NTNG1: variants seen among roughly 807,000 people sequenced by gnomAD.
The protein encoded by NTNG1 is netrin-G1.
Under a neutral mutation model 54.0 loss-of-function variants are expected in NTNG1, and 16 were observed. That is an observed-to-expected ratio of 0.30 (90% confidence interval 0.20 to 0.45). The LOEUF (loss-of-function observed/expected upper bound fraction) is 0.45. Ranked by LOEUF, NTNG1 falls within the 20% of genes least tolerant of loss-of-function variation. NTNG1 has a pLI of 1.00. For missense variants in NTNG1, 530 were observed against 678.7 expected, an observed-to-expected ratio of 0.78 and a Z score of 2.43; for synonymous variants, 255 against 263.1, an observed-to-expected ratio of 0.97 and a Z score of 0.30.
intron 7 of NTNG1, 33 bp from the exon 8 acceptor site, chr1:107,480,578 C>CCCCCCCCCCCCCCCAA: frequency 1.7e-6 from 1 of 577,312 alleles, no homozygotes; most frequent in Non-Finnish European, 3.2e-6. Flanking sequence ...CTCCCCGCGC[C>CCCCCCCCCCCCCCCAA]CACCCACCCC....
intron 2 of NTNG1, among the ~76,000 whole-genome samples, chr1:107,209,101 T>C (rs1357817518): frequency 6.6e-6 from 1 of 152,004 alleles, no homozygotes; most frequent in African/African-American, 2.4e-5. Flanking sequence ...GCCTTTTTTT[T>C]CTGAGCTGCA....
Position 107,482,340 on chromosome 1 carries a change from A to C in NTNG1, c.*1500A>C, listed in dbSNP as rs1031223498. 1.3e-5 allele frequency: 2 copies of C among 152,236 alleles called. No individual in the cohort carries two copies. Among genetic ancestry groups the C allele is most frequent in the Admixed American group, 6.5e-5 (1 of 15,284 alleles). The allele number at this position is 152,236 out of a possible 1,614,324, so 9.4% of individuals were successfully genotyped here. A position where few individuals can be genotyped will look rare whatever the true frequency, so the allele number is the denominator to read the frequency against. On this transcript the variant is annotated 3_prime_UTR_variant, in exon 8 of 8. Coordinates refer to ENST00000370068, the MANE Select transcript of NTNG1 (RefSeq NM_001113226.3). The stretch of plus-strand genomic sequence containing the variant: ...GACTTAAGTATTTAGAGGAAATATC[A>C]AAATATAAAGCAGCAAGTAGACATA...
At chr1:107,457,552 A>G (rs572322619) in intron 7 of NTNG1, among the ~76,000 whole-genome samples, 1 of 152,344 alleles carries the variant, frequency 6.6e-6, no homozygotes, top group South Asian at 2.1e-4. Context: ...ATATTCATGT[A>G]ATGCTCTAAG....
intron 2 of NTNG1, among the ~76,000 whole-genome samples, chr1:107,171,260 C>CA (rs1311664084): frequency 6.6e-6 from 1 of 151,962 alleles, no homozygotes; most frequent in African/African-American, 2.4e-5. Flanking sequence ...TTTTCACCCC[C>CA]AAAAAAGTTT....
rs1355948963 is a variant in NTNG1, at chr1:107,284,206, TA to T, written c.247-40073del. On this transcript the variant is annotated intron_variant, in intron 2 of 7. Coordinates refer to ENST00000370068, the MANE Select transcript of NTNG1 (RefSeq NM_001113226.3). ...TAATACTCAATACCTAGTCACTGAA[TA>T]AATTATTGATTGTTACAGAAGAGCA... is the stretch of plus-strand genomic sequence containing the variant. Among the ~76,000 whole-genome samples the T allele has an allele frequency of 3.3e-5, 5 of 152,250 alleles. No individual in the cohort carries two copies. In the East Asian group the frequency reaches 7.7e-4, roughly 24 times the overall value.
intron 2 of NTNG1, among the ~76,000 whole-genome samples, chr1:107,316,976 C>G (rs1373480385): frequency 6.6e-6 from 1 of 152,196 alleles, no homozygotes; most frequent in African/African-American, 2.4e-5. Context: ...AAGGTCCTGC[C>G]TGCCTCTCAA....
chr1:107,342,526 G>A (rs1213099843), intron 3 of NTNG1, among the ~76,000 whole-genome samples: 3 of 152,098 alleles, frequency 2.0e-5, no homozygotes, highest in African/African-American at 4.8e-5. Flanking sequence ...ATTGCAATAT[G>A]TTAAATGCAA....
chr1:107,431,515 C>A (rs146446550), intron 6 of NTNG1, among the ~76,000 whole-genome samples: 519 of 152,212 alleles, frequency 3.4e-3, no homozygotes, highest in African/African-American at 0.012. Flanking sequence ...CAAAAGTATT[C>A]TAGGCAACTA....
At chr1:107,461,185 G>A (rs889245126) in intron 7 of NTNG1, among the ~76,000 whole-genome samples, 1 of 152,196 alleles carries the variant, frequency 6.6e-6, no homozygotes, top group Non-Finnish European at 1.5e-5. Flanking sequence ...TACACTGGTG[G>A]GAGGCACATG....
intron 2 of NTNG1, among the ~76,000 whole-genome samples, chr1:107,291,016 T>G (rs2101763832): frequency 6.8e-6 from 1 of 147,488 alleles, no homozygotes; most frequent in South Asian, 2.1e-4. Context: ...CGCATATATA[T>G]GCATAGATAA....
chr1:107,286,672 C>G (rs1009181591), intron 2 of NTNG1, among the ~76,000 whole-genome samples: 1 of 152,132 alleles, frequency 6.6e-6, no homozygotes, highest in African/African-American at 2.4e-5. Flanking sequence ...TTTTGCAATT[C>G]ACAAAGTCAC....
chr1:107,322,673 T>G (rs1204687434), intron 2 of NTNG1, among the ~76,000 whole-genome samples: 2 of 152,018 alleles, frequency 1.3e-5, no homozygotes, highest in Non-Finnish European at 2.9e-5. Context: ...CTCCCCTGGC[T>G]CATTTTGAAG....
intron 2 of NTNG1, among the ~76,000 whole-genome samples, chr1:107,276,978 A>G (rs950493788): frequency 2.0e-5 from 3 of 152,292 alleles, no homozygotes; most frequent in African/African-American, 7.2e-5. Context: ...TGAGGAAAAA[A>G]GAAGAGGAAG....
At chr1:107,371,698 G>A (rs906642852) in intron 3 of NTNG1, among the ~76,000 whole-genome samples, 2 of 151,894 alleles carry the variant, frequency 1.3e-5, no homozygotes, top group Admixed American at 6.6e-5. Context: ...AAATACCAAT[G>A]CTACACAAAC....
At chr1:107,394,068 C>G (rs1331732378) in intron 3 of NTNG1, among the ~76,000 whole-genome samples, 3 of 151,942 alleles carry the variant, frequency 2.0e-5, no homozygotes, top group African/African-American at 7.2e-5. Flanking sequence ...ATCTCTCTCT[C>G]TCTCTGGTTC....
At position 107,407,674 on chromosome 1, in the gene NTNG1, T is replaced by C; in HGVS notation, c.1061-8T>C. On this transcript the variant is annotated splice_region_variant and splice_polypyrimidine_tract_variant and intron_variant, in intron 4 of 7. Coordinates refer to ENST00000370068, the MANE Select transcript of NTNG1 (RefSeq NM_001113226.3). ...ACAGCTTTTCTTTATTGTTTTCTTTTTCTCCAGGTATCCCCAGTATTTCCA... is the reference window on the plus strand; with the variant it reads ...ACAGCTTTTCTTTATTGTTTTCTTTCTCTCCAGGTATCCCCAGTATTTCCA... 1.9e-6 allele frequency: 3 copies of C among 1,598,198 alleles called. No homozygotes were observed. Among genetic ancestry groups the C allele is most frequent in the Non-Finnish European group, 2.6e-6 (3 of 1,172,174 alleles).
chr1:107,446,733 A>G (rs1676329642), intron 7 of NTNG1, among the ~76,000 whole-genome samples: 1 of 152,078 alleles, frequency 6.6e-6, no homozygotes, highest in Non-Finnish European at 1.5e-5. Context: ...TAAAATGCAT[A>G]TATGTTTTTC....
intron 2 of NTNG1, among the ~76,000 whole-genome samples, chr1:107,276,787 G>A (rs1012646836): frequency 1.7e-4 from 25 of 151,174 alleles, no homozygotes; most frequent in African/African-American, 5.6e-4. Flanking sequence ...TTCATGCCTA[G>A]TATTCCCTGG....
At chr1:107,366,442 C>A (rs1450702075) in intron 3 of NTNG1, among the ~76,000 whole-genome samples, 3 of 152,202 alleles carry the variant, frequency 2.0e-5, no homozygotes, top group African/African-American at 7.2e-5. Flanking sequence ...GACACATTCT[C>A]TCCAGAGACC....
Sources: allele counts gnomAD v4.1 joint callset (sites outside exome capture counted in the v4.1 genomes callset), GRCh38; gene constraint gnomAD v4.1.1; transcripts MANE v1.5; gene names NCBI Gene and HGNC (gene_info 2026-07-23, HGNC 2026-07-21).